The following PDE6B variants were observed in gnomAD, a reference collection of about 807,000 sequenced individuals.
PDE6B encodes the protein rod cGMP-specific 3',5'-cyclic phosphodiesterase subunit beta.
In PDE6B, 106 loss-of-function variants were observed where a neutral mutation model predicts 109.0. That is an observed-to-expected ratio of 0.97 (90% CI 0.83 to 1.14). The LOEUF (loss-of-function observed/expected upper bound fraction) is 1.14. Among genes scored for constraint, PDE6B ranks in the 50% most tolerant of loss-of-function variants. The pLI, the probability that PDE6B is intolerant of heterozygous loss-of-function variation, is 0.00. For missense variants in PDE6B, 1,193 were observed against 1,155.6 expected (o/e 1.03, Z -0.47); for synonymous variants, 490 against 471.3 (o/e 1.04, Z -0.51).
At chr4:653,827 C>T (rs202204067) in intron 3 of PDE6B, 25 bp from the exon 4 acceptor site, 44 of 1,612,222 alleles carry the variant, frequency 2.7e-5, no homozygotes, top group Non-Finnish European at 3.7e-5. Context: ...TGGCCACAGG[C>T]CCACAGGTGT....
chr4:661,936 C>A, intron 12 of PDE6B, 198 bp from the exon 13 acceptor site: 2 of 621,058 alleles, frequency 3.2e-6, no homozygotes, highest in Non-Finnish European at 2.9e-6. Flanking sequence ...CCATAGGTGC[C>A]AATGTGGCAG....
At position 627,873 on chromosome 4, in the gene PDE6B, G is replaced by T. The variant is rs537666558; in HGVS notation, c.468+1779G>T. ...ACCCCTTTGTCCCCACCCGGCTGAT[G>T]GTGTCTCTTCCCTGCTCTGCGGGTC... On this transcript the variant is annotated intron_variant, in intron 1 of 21. Coordinates refer to ENST00000496514, the MANE Select transcript of PDE6B (RefSeq NM_000283.4). Among the ~76,000 whole-genome samples the T allele has an allele frequency of 1.4e-4, 21 of 151,946 alleles. No homozygotes were observed. The East Asian group carries it at 4.1e-3, about 29-fold the overall frequency.
In PDE6B at chr4:645,682, TTTA is replaced by T. The variant is rs1424940684; in HGVS notation, c.712-8162_712-8160del. 1.5e-4 allele frequency among the ~76,000 whole-genome samples: 23 copies of T among 152,152 alleles called. 1 individual carries two copies. Among genetic ancestry groups the T allele is most frequent in the Admixed American group, 1.2e-3 (19 of 15,296 alleles). ...CATTTTCTCTGTGTTGCACTTACTCTTTATTATTATCATCCCCTCTTTTTTTCT... is the reference window on the plus strand; with the variant it reads ...CATTTTCTCTGTGTTGCACTTACTCTTTATTATCATCCCCTCTTTTTTTCT... On this transcript the variant is annotated intron_variant, in intron 3 of 21. Transcript: ENST00000496514.
chr4:659,252 C>CT lies in PDE6B; in HGVS notation c.1467+238dup, dbSNP rs201652169. Among the ~76,000 whole-genome samples, 1,335 of 152,276 alleles carry CT rather than the reference C, an allele frequency of 8.8e-3. 28 individuals are homozygous for CT. Among genetic ancestry groups the CT allele is most frequent in the African/African-American group, 0.031 (1,287 of 41,552 alleles). On this transcript the variant is annotated intron_variant, in intron 11 of 21. Coordinates refer to ENST00000496514, the MANE Select transcript of PDE6B (RefSeq NM_000283.4). ...GTGTGTTTGCATGGCCAGAATGTGGCTTTGATGTCTGCACTCCTGAGTGTA... is the reference window on the plus strand; with the variant it reads ...GTGTGTTTGCATGGCCAGAATGTGGCTTTTGATGTCTGCACTCCTGAGTGTA...
chr4:669,112 G>A (rs75299123), intron 21 of PDE6B, among the ~76,000 whole-genome samples: 6 of 132 alleles, frequency 0.045, 2 homozygotes, highest in African/African-American at 0.2. Context: ...ACCCCATGCT[G>A]CTCCCACTAC....
chr4:646,149 C>G (rs1342386030), intron 3 of PDE6B, among the ~76,000 whole-genome samples: 1 of 152,170 alleles, frequency 6.6e-6, no homozygotes, highest in Admixed American at 6.5e-5. Context: ...CTTCTTTGAA[C>G]ATTTTCTGCT....
intron 9 of PDE6B, 134 bp downstream of exon 9, chr4:657,157 G>A: frequency 1.7e-6 from 2 of 1,177,760 alleles, no homozygotes; most frequent in South Asian, 1.3e-5. Context: ...ATGCGGCCAG[G>A]GAGAGGACGA....
At chr4:631,184 G>A (rs1345551910) in intron 1 of PDE6B, among the ~76,000 whole-genome samples, 5 of 152,216 alleles carry the variant, frequency 3.3e-5, no homozygotes, top group Non-Finnish European at 7.3e-5. Context: ...GTGGAGGGTA[G>A]GCCACAAGAG....
intron 9 of PDE6B, 99 bp from the exon 10 acceptor site, chr4:657,252 C>A: frequency 7.0e-7 from 1 of 1,422,900 alleles, no homozygotes; most frequent in East Asian, 2.4e-5. Flanking sequence ...GGTGGCAGCC[C>A]CAGGACCTGC....
In PDE6B at chr4:625,749, G is replaced by T. The variant is rs113459274; in HGVS notation, c.123G>T (p.Pro41=). Residue 41 remains proline (P), a synonymous_variant, in exon 1 of 22, where the codon CCG becomes CCT. Coordinates refer to ENST00000496514, the MANE Select transcript of PDE6B (RefSeq NM_000283.4). The surrounding 1 kb of genome is among the most constrained non-coding windows in gnomAD (Gnocchi z 5.0). The stretch of plus-strand genomic sequence containing the variant: ...CCGCGGCCTGCGAGGACGGGTGCCC[G>T]CCGGACTGCGACAGCCTCCGGGACC... ...NVAAACEDGC[P]PDCDSLRDLC... is the part of the protein sequence containing the mutation. 6.2e-7 allele frequency: 1 copy of T among 1,613,428 alleles called. No individual in the cohort carries two copies. Among genetic ancestry groups the T allele is most frequent in the Non-Finnish European group, 8.5e-7 (1 of 1,179,938 alleles).
chr4:663,988 T>G lies in PDE6B; in HGVS notation c.2021+118T>G, dbSNP rs1456542903. The G allele has an allele frequency of 1.8e-6, 2 of 1,109,052 alleles. No homozygotes were observed. The highest frequency in any genetic ancestry group is 2.2e-4 in the Middle Eastern group (1 of 4,630). The allele number at this position is 1,109,052 out of a possible 1,614,324, so 68.7% of individuals were successfully genotyped here. A position where few individuals can be genotyped will look rare whatever the true frequency, so the allele number is the denominator to read the frequency against. ...GGGACGCAGCCCCGGATTCCGTCCC[T>G]GCCCGCCGGCCCCGCGCACCCCGGA... On this transcript the variant is annotated intron_variant, in intron 16 of 21. Coordinates refer to ENST00000496514, the MANE Select transcript of PDE6B (RefSeq NM_000283.4). The surrounding 1 kb of genome is among the most constrained non-coding windows in gnomAD (Gnocchi z 4.0).
In PDE6B at chr4:663,239, C is replaced by G. The variant is rs774949460; in HGVS notation, c.1920+52C>G. 25 of 1,026,078 alleles carry G rather than the reference C, an allele frequency of 2.4e-5. No homozygotes were observed. The highest frequency in any genetic ancestry group is 3.7e-5 in the Non-Finnish European group (24 of 643,340). The allele number at this position is 1,026,078 out of a possible 1,614,324, so 63.6% of individuals were successfully genotyped here. On this transcript the variant is annotated intron_variant, in intron 15 of 21. Transcript: ENST00000496514. The surrounding 1 kb of genome is among the most constrained non-coding windows in gnomAD (Gnocchi z 4.0). ...CTGTGGGCGCTGGGGACGCAGCGTC[C>G]GCAGGACGGCAGGGCCGTATCCTGC...
In PDE6B at chr4:663,684, G is replaced by C; in HGVS notation, c.1921-86G>C. 1 of 966,986 alleles carries C rather than the reference G, an allele frequency of 1.0e-6. No individual in the cohort carries two copies. The highest frequency in any genetic ancestry group is 1.3e-5 in the South Asian group (1 of 75,252). 59.9% of individuals were successfully genotyped at this position (966,986 alleles called of 1,614,324 possible). On this transcript the variant is annotated intron_variant, in intron 15 of 21. Coordinates refer to ENST00000496514, the MANE Select transcript of PDE6B (RefSeq NM_000283.4). The surrounding 1 kb of genome is among the most constrained non-coding windows in gnomAD (Gnocchi z 4.0). ...CGAGGGCGGGGGCGTGAGAGGCACA[G>C]GCAGCCGAGGCGGAAGGGGCGGGGT...
chr4:665,175 C>T lies in PDE6B; in HGVS notation c.2194-80C>T, dbSNP rs558734904. ...GGGTCTGGGGCGGAGAAGACCGAGGCTCGGAGCCTCACGGGGCGGGCCCGG... is the reference window on the plus strand; with the variant it reads ...GGGTCTGGGGCGGAGAAGACCGAGGTTCGGAGCCTCACGGGGCGGGCCCGG... On this transcript the variant is annotated intron_variant, in intron 18 of 21. Transcript: ENST00000496514. The surrounding 1 kb of genome is among the most constrained non-coding windows in gnomAD (Gnocchi z 4.0). 812 of 1,083,338 alleles carry T rather than the reference C, an allele frequency of 7.5e-4. 7 individuals are homozygous for T. In the Admixed American group the frequency reaches 0.014, roughly 18 times the overall value. The allele number at this position is 1,083,338 out of a possible 1,614,324, so 67.1% of individuals were successfully genotyped here.
chr4:655,747 C>G lies in PDE6B; in HGVS notation c.993-193C>G, dbSNP rs568857091. ...CCATCTGACCCCAGTACACCTACAT[C>G]CAGCGCAGCCTGGCCCCTCTGACCC... On this transcript the variant is annotated intron_variant, in intron 6 of 21. Coordinates refer to ENST00000496514, the MANE Select transcript of PDE6B (RefSeq NM_000283.4). 386 of 657,622 alleles carry G rather than the reference C, an allele frequency of 5.9e-4. 1 individual carries two copies. In the African/African-American group the frequency reaches 6.3e-3, roughly 11 times the overall value. The allele number at this position is 657,622 out of a possible 1,614,324, so 40.7% of individuals were successfully genotyped here.
chr4:658,426 C>G (rs1180302608), intron 10 of PDE6B, among the ~76,000 whole-genome samples: 2 of 148,300 alleles, frequency 1.3e-5, no homozygotes, highest in African/African-American at 5.0e-5. Context: ...GGCAGGTCAC[C>G]CAGGGGTCAT....
intron 1 of PDE6B, among the ~76,000 whole-genome samples, chr4:628,542 C>A (rs542511840): frequency 7.2e-5 from 11 of 152,368 alleles, no homozygotes; most frequent in African/African-American, 2.2e-4. Flanking sequence ...GCTAAACCAG[C>A]CTGCTCCTGA....
rs762799836 is a variant in PDE6B at position 625,931 on chromosome 4, G to A, written c.305G>A (p.Gly102Asp). The change falls in exon 1 of 22, where the codon GGC becomes GAC. Residue 102 changes from glycine (G) to aspartate (D), a missense_variant. By Grantham distance (94) the Gly-to-Asp change is moderately conservative. Coordinates refer to ENST00000496514, the MANE Select transcript of PDE6B (RefSeq NM_000283.4). This position sits in a 1 kb window ranked among gnomAD's most constrained non-coding sequence, Gnocchi z 5.0. ...CTCTTCATGTACCGCCAGCGCAACG[G>A]CGTGGCCGAGCTGGCCACCAGGCTT... ...CSLFMYRQRN[G>D]VAELATRLFS... 1.3e-6 allele frequency: 2 copies of A among 1,594,430 alleles called. No individual in the cohort carries two copies. Among genetic ancestry groups the A allele is most frequent in the South Asian group, 1.1e-5 (1 of 88,854 alleles).
chr4:634,955 G>A (rs1482154986), intron 2 of PDE6B, 126 bp downstream of exon 2: 18 of 764,244 alleles, frequency 2.4e-5, no homozygotes, highest in African/African-American at 1.1e-4. Flanking sequence ...TCTCTGCTGC[G>A]TGTCTGCCTC....
Sources: gnomAD v4.1 joint callset for allele counts (sites outside exome capture counted in the v4.1 genomes callset) on GRCh38, gnomAD v4.1.1 for gene constraint, Gnocchi (gnomAD v3.1) non-coding constraint, MANE v1.5 for transcripts, NCBI Gene and HGNC (gene_info 2026-07-23, HGNC 2026-07-21) for gene names.